The following NFYC variants were observed in gnomAD, a reference collection of about 807,000 sequenced individuals.
The protein encoded by NFYC is CAAT box DNA-binding protein subunit C.
A neutral mutation model predicts 53.1 loss-of-function variants in NFYC; 25 were observed. That is an observed-to-expected ratio of 0.47 (90% CI 0.34 to 0.66). NFYC has a LOEUF of 0.66. Ranked by LOEUF, NFYC falls within the 30% of genes least tolerant of loss-of-function variation. The pLI, the probability that NFYC is intolerant of heterozygous loss-of-function variation, is 0.01. For missense variants in NFYC, 260 were observed against 422.7 expected (o/e 0.62, Z 3.38); for synonymous variants, 145 against 152.6 (o/e 0.95, Z 0.37).
At chr1:40,695,132 G>C (rs773512276) in intron 1 of NFYC, among the ~76,000 whole-genome samples, 8 of 151,920 alleles carry the variant, frequency 5.3e-5, no homozygotes, top group Non-Finnish European at 8.8e-5. Flanking sequence ...CCAGCTACTC[G>C]GAAGACTGAG....
chr1:40,762,642 T>C (rs1278960542), intron 6 of NFYC, among the ~76,000 whole-genome samples: 1 of 152,188 alleles, frequency 6.6e-6, no homozygotes, highest in Non-Finnish European at 1.5e-5. Flanking sequence ...AGATTTATGT[T>C]TGGGACCCAT....
intron 1 of NFYC, among the ~76,000 whole-genome samples, chr1:40,729,603 C>G (rs1644671252): frequency 6.6e-6 from 1 of 151,718 alleles, no homozygotes; most frequent in African/African-American, 2.4e-5. Flanking sequence ...TAATTTCCTT[C>G]AAGAACTTTT....
At chr1:40,701,349 A>C (rs12402566) in intron 1 of NFYC, among the ~76,000 whole-genome samples, 31,929 of 152,090 alleles carry the variant, frequency 0.21, 3,416 homozygotes, top group African/African-American at 0.23. Flanking sequence ...TCCTGACTTC[A>C]GTTGGCCTCC....
At chr1:40,704,292 C>CG (rs1643587748) in intron 1 of NFYC, among the ~76,000 whole-genome samples, 1 of 152,046 alleles carries the variant, frequency 6.6e-6, no homozygotes, top group Non-Finnish European at 1.5e-5. Flanking sequence ...AGGATGGTCT[C>CG]GATCTCCTGA....
intron 1 of NFYC, chr1:40,723,411 A>T (rs1217976237): frequency 6.6e-6 from 1 of 152,172 alleles, no homozygotes; most frequent in African/African-American, 2.4e-5. Context: ...TCCTACAAGG[A>T]TTTATTTACT....
At chr1:40,710,989 G>T (rs1643910871) in intron 1 of NFYC, among the ~76,000 whole-genome samples, 1 of 152,194 alleles carries the variant, frequency 6.6e-6, no homozygotes, top group Non-Finnish European at 1.5e-5. Context: ...TATAGATTCA[G>T]ATTAGGAATT....
At chr1:40,738,772 T>TA in intron 1 of NFYC, 64 bp from the exon 2 acceptor site, 1 of 1,176,016 alleles carries the variant, frequency 8.5e-7, no homozygotes, top group Non-Finnish European at 1.3e-6. Flanking sequence ...TACAAATGCC[T>TA]AATCTGGACA....
At chr1:40,720,135 C>T (rs1296429563) in intron 1 of NFYC, among the ~76,000 whole-genome samples, 2 of 152,186 alleles carry the variant, frequency 1.3e-5, no homozygotes, top group East Asian at 1.9e-4. Context: ...CATTTCATGT[C>T]GTTTTCCTTT....
chr1:40,729,341 CT>C (rs1454931560), intron 1 of NFYC, among the ~76,000 whole-genome samples: 1 of 152,212 alleles, frequency 6.6e-6, no homozygotes, highest in East Asian at 1.9e-4. Context: ...GCACTTGCTA[CT>C]TCACCTTATA....
In NFYC at chr1:40,752,557, A is replaced by G. The variant is rs1358049461; in HGVS notation, c.292-594A>G. On this transcript the variant is annotated intron_variant, in intron 4 of 9. Transcript: ENST00000447388. ...CTTGCTGCTGTTCATAGCACAAACT[A>G]TGAATATCAGAATTCTCACAAGCTA... Among the ~76,000 whole-genome samples the G allele has an allele frequency of 2.0e-5, 3 of 152,178 alleles. No homozygotes were observed. In the East Asian group the frequency reaches 5.8e-4, roughly 30 times the overall value.
intron 1 of NFYC, among the ~76,000 whole-genome samples, chr1:40,706,469 A>G (rs1005974514): frequency 1.3e-5 from 2 of 152,144 alleles, no homozygotes; most frequent in East Asian, 1.9e-4. Flanking sequence ...ATCTCTGCAC[A>G]TGTCAAGGAT....
intron 7 of NFYC, 55 bp downstream of exon 7, chr1:40,763,101 G>GAT: frequency 7.2e-7 from 1 of 1,380,606 alleles, no homozygotes; most frequent in Non-Finnish European, 9.7e-7. Context: ...AATACTTAAA[G>GAT]ATATATATAC....
chr1:40,767,584 C>T (rs1398334255), intron 8 of NFYC, among the ~76,000 whole-genome samples: 1 of 152,202 alleles, frequency 6.6e-6, no homozygotes, highest in Non-Finnish European at 1.5e-5. Context: ...CTTCCCCCAG[C>T]CCCTCTTTTT....
chr1:40,749,635 G>C lies in NFYC; in HGVS notation c.240G>C (p.Leu80Phe). Residue 80 changes from leucine (L) to phenylalanine (F), a missense_variant, in exon 4 of 10, where the codon TTG becomes TTC. Physicochemically the swap from Leu to Phe is conservative, Grantham distance 22. Coordinates refer to ENST00000447388, the MANE Select transcript of NFYC (RefSeq NM_014223.5). ...CAGCCCAGATTTTTATCACAGAGTT[G>C]ACTCTTCGAGCCTGGATTCACACAG... ...AKAAQIFITE[L>F]TLRAWIHTED... 1 of 1,614,132 alleles carries C rather than the reference G, an allele frequency of 6.2e-7. No homozygotes were observed. The highest frequency in any genetic ancestry group is 8.5e-7 in the Non-Finnish European group (1 of 1,180,004).
chr1:40,738,064 G>A (rs1010919392), intron 1 of NFYC, among the ~76,000 whole-genome samples: 22 of 151,974 alleles, frequency 1.4e-4, no homozygotes, highest in African/African-American at 3.4e-4. Context: ...CACTACGCCC[G>A]GCTAATTTTT....
chr1:40,747,900 A>T (rs1287454484), intron 3 of NFYC, among the ~76,000 whole-genome samples: 1 of 148,048 alleles, frequency 6.8e-6, no homozygotes, highest in Non-Finnish European at 1.5e-5. Flanking sequence ...CAGTGGTGCG[A>T]GCTTAGCTCA....
chr1:40,722,756 G>A (rs1644371748), intron 1 of NFYC, among the ~76,000 whole-genome samples: 1 of 152,224 alleles, frequency 6.6e-6, no homozygotes, highest in Non-Finnish European at 1.5e-5. Flanking sequence ...CAGTTCGCCA[G>A]AGAGCTAAGA....
chr1:40,734,321 AG>A (rs1475761307), intron 1 of NFYC, among the ~76,000 whole-genome samples: 1 of 151,364 alleles, frequency 6.6e-6, no homozygotes, highest in African/African-American at 2.4e-5. Context: ...TTAAAATAAG[AG>A]GTGATTAACT....
intron 1 of NFYC, among the ~76,000 whole-genome samples, chr1:40,731,067 G>GTGAT (rs1644747944): frequency 1.3e-5 from 2 of 152,170 alleles, no homozygotes; most frequent in Non-Finnish European, 2.9e-5. Flanking sequence ...CTGAGTGAGA[G>GTGAT]TGTGCCCTGT....
Sources: allele counts gnomAD v4.1 joint callset (sites outside exome capture counted in the v4.1 genomes callset), GRCh38; gene constraint gnomAD v4.1.1; transcripts MANE v1.5; gene names NCBI Gene and HGNC (gene_info 2026-07-23, HGNC 2026-07-21).